The following KSR1 variants were observed in gnomAD, a reference collection of about 807,000 sequenced individuals.
The protein encoded by KSR1 is kinase suppressor of ras.
KSR1 carries 35 observed loss-of-function variants against 92.9 expected under a neutral mutation model. The ratio of observed to expected loss-of-function variants is 0.38; its 90% CI spans 0.29 to 0.50. The LOEUF (loss-of-function observed/expected upper bound fraction) is 0.50, where lower values mean the gene tolerates loss of function less well. Among genes scored for constraint, KSR1 ranks in the 20% least tolerant of loss-of-function variants. The pLI is 0.94. For synonymous variants in KSR1, 467 were observed against 472.6 expected (o/e 0.99, Z 0.15); for missense variants, 972 against 1,158.5 (o/e 0.84, Z 2.34).
intron 10 of KSR1, 82 bp downstream of exon 10, chr17:27,597,518 A>G (rs1175791138): frequency 2.8e-6 from 4 of 1,411,848 alleles, no homozygotes; most frequent in East Asian, 2.4e-5. Flanking sequence ...GGCAGATTCA[A>G]GGTCAGACAT....
intron 1 of KSR1, among the ~76,000 whole-genome samples, chr17:27,508,639 G>A (rs1475036503): frequency 6.6e-6 from 1 of 152,106 alleles, no homozygotes; most frequent in Non-Finnish European, 1.5e-5. Context: ...GGAAGGGCAG[G>A]GACAAACACA....
At chr17:27,526,090 TTCTTTCTCTC>T (rs1462645794) in intron 1 of KSR1, among the ~76,000 whole-genome samples, 29 of 62,992 alleles carry the variant, frequency 4.6e-4, no homozygotes, top group African/African-American at 1.6e-3. Flanking sequence ...CTTTCTTTCT[TTCTTTCTCTC>T]TCTCTCTCTC....
rs1255918588 is a variant in KSR1, at chr17:27,611,965, T to TA, written c.2493+343dup. Among the ~76,000 whole-genome samples the TA allele has an allele frequency of 3.3e-5, 5 of 152,112 alleles. No individual in the cohort carries two copies. In the East Asian group the frequency reaches 5.8e-4, roughly 18 times the overall value. ...TTACATGAAAGAAGATAATTTTTTT[T>TA]AAAAAAATCACTGCTGAAAATACAA... On this transcript the variant is annotated intron_variant, in intron 18 of 20. Transcript: ENST00000644974.
At chr17:27,617,761 C>G (rs1304291254) in intron 19 of KSR1, 3 of 305,290 alleles carry the variant, frequency 9.8e-6, no homozygotes, top group African/African-American at 2.2e-5. Context: ...CTCCTGACCT[C>G]AAGTGATCCT....
intron 4 of KSR1, 52 bp from the exon 5 acceptor site, chr17:27,585,605 G>A (rs1043108122): frequency 5.4e-6 from 4 of 737,060 alleles, no homozygotes; most frequent in Non-Finnish European, 1.0e-5. Flanking sequence ...CTAGGAACAC[G>A]CCGAGCCAGC....
intron 10 of KSR1, among the ~76,000 whole-genome samples, chr17:27,597,892 C>T (rs756087946): frequency 4.6e-5 from 7 of 152,184 alleles, no homozygotes; most frequent in Non-Finnish European, 8.8e-5. Context: ...TAAGCTCCTT[C>T]AAGGAGACCT....
chr17:27,567,886 G>C (rs1208175567), intron 2 of KSR1, among the ~76,000 whole-genome samples: 1 of 152,188 alleles, frequency 6.6e-6, no homozygotes, highest in Admixed American at 6.5e-5. Context: ...AATGAGTGCT[G>C]ACTAGATTGT....
At chr17:27,525,257 CA>C (rs1382395650) in intron 1 of KSR1, among the ~76,000 whole-genome samples, 1 of 152,222 alleles carries the variant, frequency 6.6e-6, no homozygotes, top group Non-Finnish European at 1.5e-5. Context: ...GTGCACTGCA[CA>C]AGGGGGTGAA....
intron 9 of KSR1, among the ~76,000 whole-genome samples, chr17:27,595,563 C>G (rs575285667): frequency 6.6e-6 from 1 of 152,300 alleles, no homozygotes; most frequent in Non-Finnish European, 1.5e-5. Context: ...GCCTCCAAAC[C>G]CAGTGCTCTT....
At chr17:27,481,669 C>CT (rs1476590916) in intron 1 of KSR1, among the ~76,000 whole-genome samples, 32 of 152,236 alleles carry the variant, frequency 2.1e-4, no homozygotes, top group Admixed American at 2.1e-3. Context: ...GAAACTCATC[C>CT]TTTTGGGGGT....
At chr17:27,543,162 T>G (rs1047741615) in intron 1 of KSR1, among the ~76,000 whole-genome samples, 1 of 152,264 alleles carries the variant, frequency 6.6e-6, no homozygotes, top group Non-Finnish European at 1.5e-5. Flanking sequence ...GACTGCCATT[T>G]TAGCTGGTGC....
chr17:27,505,532 A>T (rs4794925), intron 1 of KSR1, among the ~76,000 whole-genome samples: 51 of 152,178 alleles, frequency 3.4e-4, no homozygotes, highest in Admixed American at 2.0e-4. Context: ...CTGGAGCCAG[A>T]CTGCTTGGGT....
chr17:27,526,624 G>A (rs2945379), intron 1 of KSR1: 571,499 of 1,565,628 alleles, frequency 0.37, 108,977 homozygotes, highest in African/African-American at 0.6. Flanking sequence ...TTCAGTCCTC[G>A]TGCATCTTTT....
Position 27,564,552 on chromosome 17 carries a change from C to T in KSR1, c.373-12940C>T, listed in dbSNP as rs114498701. Among the ~76,000 whole-genome samples the T allele has an allele frequency of 5.5e-3, 843 of 152,312 alleles. 5 individuals carry two copies. Among genetic ancestry groups the T allele is most frequent in the African/African-American group, 0.02 (820 of 41,566 alleles). ...GTGCCTGTGGGACAGGCTTGCTCCG[C>T]ATGGCAGGTATGAAGAGCACAGGCA... On this transcript the variant is annotated intron_variant, in intron 2 of 20. Coordinates refer to ENST00000644974, the MANE Select transcript of KSR1 (RefSeq NM_001394583.1).
chr17:27,602,664 C>G (rs1272352135), intron 11 of KSR1, among the ~76,000 whole-genome samples: 1 of 152,196 alleles, frequency 6.6e-6, no homozygotes. Flanking sequence ...GTGTGTTTGC[C>G]TCCTTTGGAA....
intron 1 of KSR1, among the ~76,000 whole-genome samples, chr17:27,548,594 C>A (rs2071274582): frequency 6.6e-6 from 1 of 151,344 alleles, no homozygotes; most frequent in African/African-American, 2.4e-5. Context: ...CTTTGGGAGG[C>A]AGAAGTGGGC....
intron 17 of KSR1, among the ~76,000 whole-genome samples, chr17:27,610,404 C>T (rs749396453): frequency 5.3e-5 from 8 of 152,228 alleles, no homozygotes; most frequent in Non-Finnish European, 1.0e-4. Flanking sequence ...TGACTATATC[C>T]TTGACCTGGA....
At chr17:27,611,726 C>A in intron 18 of KSR1, 97 bp downstream of exon 18, 3 of 1,430,712 alleles carry the variant, frequency 2.1e-6, no homozygotes, top group South Asian at 2.5e-5. Flanking sequence ...GAAATGGGGT[C>A]GGTGAGGAGC....
At position 27,604,740 on chromosome 17, in the gene KSR1, A is replaced by G; in HGVS notation, c.1614+12A>G. 1 of 1,613,820 alleles carries G rather than the reference A, an allele frequency of 6.2e-7. No individual in the cohort carries two copies. Among genetic ancestry groups the G allele is most frequent in the Non-Finnish European group, 8.5e-7 (1 of 1,179,704 alleles). On this transcript the variant is annotated intron_variant, in intron 13 of 20. Transcript: ENST00000644974. The stretch of plus-strand genomic sequence containing the variant: ...CTCACGAAGCGGAGGTGAGGGTGAC[A>G]CACACGTGTCCACAGATGGCCCCCC...
Sources: allele counts gnomAD v4.1 joint callset (sites outside exome capture counted in the v4.1 genomes callset), GRCh38; gene constraint gnomAD v4.1.1; transcripts MANE v1.5; gene names NCBI Gene and HGNC (gene_info 2026-07-23, HGNC 2026-07-21).